The following PACRG variants were observed in gnomAD, a reference collection of about 807,000 sequenced individuals.
PACRG encodes parkin coregulated gene protein.
In PACRG, 29 loss-of-function variants were observed where a neutral mutation model predicts 29.7. That is an observed-to-expected ratio of 0.98 (90% confidence interval 0.73 to 1.33). The LOEUF is 1.33. Ranked by LOEUF, PACRG falls within the 40% of genes most tolerant of loss-of-function variation. PACRG has a pLI of 0.00. For missense variants in PACRG, 279 were observed against 316.2 expected (o/e 0.88, Z 0.89); for synonymous variants, 116 against 118.7 (o/e 0.98, Z 0.15).
At chr6:163,008,392 A>G (rs1306285420) in intron 2 of PACRG, among the ~76,000 whole-genome samples, 1 of 152,074 alleles carries the variant, frequency 6.6e-6, no homozygotes, top group Non-Finnish European at 1.5e-5. Context: ...TAAACGAGGC[A>G]CACATCCAAA....
intron 1 of PACRG, among the ~76,000 whole-genome samples, chr6:162,775,213 C>T (rs1783550677): frequency 6.6e-6 from 1 of 152,178 alleles, no homozygotes; most frequent in Non-Finnish European, 1.5e-5. Context: ...ACCAAGTCTG[C>T]TGGTGCCTAA....
At chr6:162,857,768 G>GTT (rs34674869) in intron 2 of PACRG, among the ~76,000 whole-genome samples, 1,832 of 146,664 alleles carry the variant, frequency 0.012, 38 homozygotes, top group African/African-American at 0.04. Context: ...CATTTGCTCT[G>GTT]TTTTTTTTTT....
At chr6:163,106,728 T>C (rs1815402897) in intron 4 of PACRG, among the ~76,000 whole-genome samples, 1 of 152,220 alleles carries the variant, frequency 6.6e-6, no homozygotes, top group Admixed American at 6.5e-5. Context: ...TGTAGATAGC[T>C]TCACTATAGG....
At chr6:162,765,936 T>G (rs886975683) in intron 1 of PACRG, among the ~76,000 whole-genome samples, 6 of 152,186 alleles carry the variant, frequency 3.9e-5, no homozygotes, top group Admixed American at 6.5e-5. Flanking sequence ...TTTTATTTTA[T>G]TTTTAGTTGA....
At chr6:162,771,880 C>T (rs1783249458) in intron 1 of PACRG, among the ~76,000 whole-genome samples, 1 of 152,040 alleles carries the variant, frequency 6.6e-6, no homozygotes, top group Non-Finnish European at 1.5e-5. Flanking sequence ...AAGTGGAGCT[C>T]CTCCTTGTTA....
At chr6:162,779,698 G>T (rs1490456744) in intron 1 of PACRG, among the ~76,000 whole-genome samples, 12 of 152,190 alleles carry the variant, frequency 7.9e-5, no homozygotes, top group Admixed American at 7.9e-4. Context: ...AGTATTGAGA[G>T]TATTTATTTG....
At chr6:162,784,810 T>C (rs1784337504) in intron 1 of PACRG, among the ~76,000 whole-genome samples, 2 of 152,196 alleles carry the variant, frequency 1.3e-5, no homozygotes, top group African/African-American at 2.4e-5. Context: ...AGAATGATAG[T>C]GTATGTTTGC....
At chr6:163,174,863 T>C (rs185571177) in intron 4 of PACRG, among the ~76,000 whole-genome samples, 3 of 152,190 alleles carry the variant, frequency 2.0e-5, no homozygotes, top group African/African-American at 7.2e-5. Context: ...CACTGTCTCA[T>C]TGAGTCCTCA....
chr6:162,877,360 T>C (rs920757645), intron 2 of PACRG, among the ~76,000 whole-genome samples: 2 of 152,100 alleles, frequency 1.3e-5, no homozygotes. Context: ...CCACATGTTC[T>C]CACTCAGAAG....
At position 162,787,588 on chromosome 6, in the gene PACRG, A is replaced by C. The variant is rs879485989; in HGVS notation, c.157-26559A>C. On this transcript the variant is annotated intron_variant, in intron 1 of 4. Transcript: ENST00000366888. Reference sequence around the variant, plus strand: ...TGTGTGTGTGTGTGTGTGTGTATATATATATATATATATATATATATATAT... The same window carrying C: ...TGTGTGTGTGTGTGTGTGTGTATATCTATATATATATATATATATATATAT... 6.2e-4 allele frequency among the ~76,000 whole-genome samples: 50 copies of C among 80,494 alleles called. 1 individual carries two copies. Among genetic ancestry groups the C allele is most frequent in the African/African-American group, 1.6e-3 (39 of 23,664 alleles). The allele number at this position is 80,494 out of a possible 152,430, so 52.8% of individuals were successfully genotyped here.
intron 2 of PACRG, among the ~76,000 whole-genome samples, chr6:162,894,278 G>A (rs1024711654): frequency 1.8e-4 from 27 of 152,178 alleles, no homozygotes; most frequent in African/African-American, 6.3e-4. Context: ...TTGATTATAC[G>A]ACTTGATTCC....
At chr6:162,893,026 C>T (rs1252251825) in intron 2 of PACRG, among the ~76,000 whole-genome samples, 1 of 150,600 alleles carries the variant, frequency 6.6e-6, no homozygotes, top group Admixed American at 6.6e-5. Flanking sequence ...CGGCCCACAT[C>T]CCGGAGAACC....
At chr6:163,077,366 A>G (rs1812644422) in intron 3 of PACRG, among the ~76,000 whole-genome samples, 1 of 152,172 alleles carries the variant, frequency 6.6e-6, no homozygotes, top group Non-Finnish European at 1.5e-5. Flanking sequence ...TGGCTTCATT[A>G]GGAGAGCTCT....
chr6:162,836,923 T>A (rs1789279104), intron 2 of PACRG, among the ~76,000 whole-genome samples: 1 of 152,190 alleles, frequency 6.6e-6, no homozygotes, highest in Non-Finnish European at 1.5e-5. Context: ...AGCTAGAACC[T>A]AGGTCTGCTA....
intron 4 of PACRG, chr6:163,184,980 T>C (rs2128356518): frequency 6.6e-6 from 1 of 152,270 alleles, no homozygotes; most frequent in South Asian, 2.1e-4. Context: ...GAAGATTTGT[T>C]TTGTTTTGTT....
At chr6:163,286,197 T>C (rs2128185374) in intron 4 of PACRG, among the ~76,000 whole-genome samples, 1 of 152,340 alleles carries the variant, frequency 6.6e-6, no homozygotes. Flanking sequence ...TCTTCCAGAC[T>C]GAATGATGAG....
chr6:162,779,632 T>C (rs774194022), intron 1 of PACRG, among the ~76,000 whole-genome samples: 2 of 152,216 alleles, frequency 1.3e-5, no homozygotes, highest in Non-Finnish European at 2.9e-5. Context: ...TCTTGGAGCT[T>C]GGAGGCCAGG....
intron 4 of PACRG, chr6:163,182,986 G>C (rs185907064): frequency 6.6e-6 from 1 of 152,336 alleles, no homozygotes; most frequent in Non-Finnish European, 1.5e-5. Flanking sequence ...TTGAAGAATG[G>C]ATAGGATTTA....
chr6:163,054,112 G>C (rs1182731546), intron 2 of PACRG: 1 of 152,186 alleles, frequency 6.6e-6, no homozygotes, highest in African/African-American at 2.4e-5. Context: ...AGAGGAGAAC[G>C]GTGTGCAGTG....
Sources: gnomAD v4.1 joint callset for allele counts (sites outside exome capture counted in the v4.1 genomes callset) on GRCh38, gnomAD v4.1.1 for gene constraint, MANE v1.5 for transcripts, NCBI Gene and HGNC (gene_info 2026-07-23, HGNC 2026-07-21) for gene names.